The following PDGFC variants were observed in gnomAD, a reference collection of about 807,000 sequenced individuals.
PDGFC encodes platelet derived growth factor C.
A neutral mutation model predicts 35.5 loss-of-function variants in PDGFC; 12 were observed. That is an observed-to-expected ratio of 0.34 (90% CI 0.22 to 0.55). PDGFC has a LOEUF of 0.55. Among genes scored for constraint, PDGFC ranks in the 20% least tolerant of loss-of-function variants. The probability of loss-of-function intolerance (pLI) is 0.91; values close to 1 mark genes in which losing one functional copy is unlikely to be tolerated. For synonymous variants in PDGFC, 159 were observed against 148.8 expected (o/e 1.07, Z -0.50); for missense variants, 322 against 412.4 (o/e 0.78, Z 1.90).
chr4:156,819,797 A>ATAG (rs1175397854), intron 2 of PDGFC, among the ~76,000 whole-genome samples: 1 of 152,220 alleles, frequency 6.6e-6, no homozygotes, highest in Non-Finnish European at 1.5e-5. Context: ...GCTGCCATGG[A>ATAG]TAGTAATTCC....
rs913649558 is a variant in PDGFC at position 156,859,891 on chromosome 4, T to TA, written c.119-9476dup. 1.7e-4 allele frequency among the ~76,000 whole-genome samples: 25 copies of TA among 150,702 alleles called. 1 individual carries two copies. The highest frequency in any genetic ancestry group is 6.0e-4 in the Admixed American group (9 of 15,088). On this transcript the variant is annotated intron_variant, in intron 1 of 5. Coordinates refer to ENST00000502773, the MANE Select transcript of PDGFC (RefSeq NM_016205.3). ...TTATTTTTATCATCTAGCTGGCCTA[T>TA]AAAAAAAAAGAGTGAAAAGCTTAAA...
At chr4:156,918,990 C>T (rs1475795748) in intron 1 of PDGFC, among the ~76,000 whole-genome samples, 1 of 152,178 alleles carries the variant, frequency 6.6e-6, no homozygotes, top group African/African-American at 2.4e-5. Flanking sequence ...TACAACACGA[C>T]TTACCAAGCA....
intron 3 of PDGFC, among the ~76,000 whole-genome samples, chr4:156,793,022 A>C (rs1182302362): frequency 1.3e-5 from 2 of 152,150 alleles, no homozygotes. Context: ...TCTTCAAATA[A>C]GGGGGAAGCA....
At chr4:156,841,803 G>A (rs1011036677) in intron 2 of PDGFC, among the ~76,000 whole-genome samples, 4 of 152,108 alleles carry the variant, frequency 2.6e-5, no homozygotes, top group African/African-American at 7.2e-5. Context: ...ACCACACCTG[G>A]CCTCAGGCAG....
Position 156,838,431 on chromosome 4 carries a change from T to C in PDGFC, c.314+11790A>G, listed in dbSNP as rs181602070. On this transcript the variant is annotated intron_variant, in intron 2 of 5. Transcript: ENST00000502773. ...AAACCAGGCCAATCACAATTCTTCC[T>C]AGAGCTTTTGCGGAAAACTTTTTGT... Among the ~76,000 whole-genome samples, 467 of 152,346 alleles carry C rather than the reference T, an allele frequency of 3.1e-3. 3 individuals are homozygous for C. The highest frequency in any genetic ancestry group is 0.011 in the African/African-American group (448 of 41,588).
chr4:156,912,180 A>G (rs1731055068), intron 1 of PDGFC, among the ~76,000 whole-genome samples: 1 of 152,162 alleles, frequency 6.6e-6, no homozygotes, highest in Non-Finnish European at 1.5e-5. Flanking sequence ...AGCACTGTAT[A>G]GGAAATCAAG....
intron 1 of PDGFC, among the ~76,000 whole-genome samples, chr4:156,900,721 G>C (rs1049336396): frequency 6.6e-6 from 1 of 152,096 alleles, no homozygotes; most frequent in Non-Finnish European, 1.5e-5. Flanking sequence ...GCACATGCCA[G>C]ATACTCAGAA....
chr4:156,880,160 T>C (rs1371258920), intron 1 of PDGFC, among the ~76,000 whole-genome samples: 2 of 152,230 alleles, frequency 1.3e-5, no homozygotes, highest in East Asian at 1.9e-4. Flanking sequence ...CAGTCTTCAG[T>C]TGGAAGAAGG....
intron 1 of PDGFC, among the ~76,000 whole-genome samples, chr4:156,866,904 TC>T (rs1261698649): frequency 6.6e-6 from 1 of 152,126 alleles, no homozygotes; most frequent in African/African-American, 2.4e-5. Flanking sequence ...TCTCTAATCT[TC>T]CTTGGAGTCA....
At position 156,826,176 on chromosome 4, in the gene PDGFC, T is replaced by A. The variant is rs202059828; in HGVS notation, c.315-15159A>T. Among the ~76,000 whole-genome samples, 79 of 15,456 alleles carry A rather than the reference T, an allele frequency of 5.1e-3. No homozygotes were observed. In the East Asian group the frequency reaches 0.15, roughly 28 times the overall value. The allele number at this position is 15,456 out of a possible 152,430, so 10.1% of individuals were successfully genotyped here. On this transcript the variant is annotated intron_variant, in intron 2 of 5. Transcript: ENST00000502773. ...CACCATATCCAGCTTTGAGTTGGAT[T>A]TTTTTTTTTTTTTTTTTTTTTTTTT...
intron 1 of PDGFC, among the ~76,000 whole-genome samples, chr4:156,923,615 C>A (rs1341993098): frequency 6.6e-6 from 1 of 152,138 alleles, no homozygotes; most frequent in African/African-American, 2.4e-5. Context: ...AGCAAATATT[C>A]TTTTTCTAAA....
intron 3 of PDGFC, among the ~76,000 whole-genome samples, chr4:156,803,199 G>T (rs1382979207): frequency 6.6e-6 from 1 of 152,098 alleles, no homozygotes; most frequent in Non-Finnish European, 1.5e-5. Context: ...GTGTCTGAGT[G>T]TACTGAGAGG....
At position 156,935,242 on chromosome 4, in the gene PDGFC, C is replaced by T. The variant is rs917823903; in HGVS notation, c.118+35544G>A. Among the ~76,000 whole-genome samples, 10 of 152,234 alleles carry T rather than the reference C, an allele frequency of 6.6e-5. No homozygotes were observed. The South Asian group carries it at 1.2e-3, about 19-fold the overall frequency. ...CGATCTCTTGACCTCATGACCTGCCCGCCTTGGCCTCCCTAAGTGCTGCCA... is the reference window on the plus strand; with the variant it reads ...CGATCTCTTGACCTCATGACCTGCCTGCCTTGGCCTCCCTAAGTGCTGCCA... On this transcript the variant is annotated intron_variant, in intron 1 of 5. Transcript: ENST00000502773.
intron 3 of PDGFC, among the ~76,000 whole-genome samples, chr4:156,794,752 G>A (rs1447832399): frequency 6.6e-6 from 1 of 151,834 alleles, no homozygotes; most frequent in African/African-American, 2.4e-5. Context: ...AACTAGTGAA[G>A]CTAATTATAG....
intron 4 of PDGFC, among the ~76,000 whole-genome samples, chr4:156,769,500 A>C (rs752766059): frequency 6.6e-6 from 1 of 151,966 alleles, no homozygotes; most frequent in Non-Finnish European, 1.5e-5. Context: ...AAGTATAGGA[A>C]AGCACCAAAG....
intron 1 of PDGFC, among the ~76,000 whole-genome samples, chr4:156,871,480 G>A (rs17035384): frequency 0.074 from 11,260 of 152,004 alleles, 1,392 homozygotes; most frequent in African/African-American, 0.26. Context: ...GAAGAAATAC[G>A]CCAGGCATAA....
chr4:156,885,096 T>C (rs1730342114), intron 1 of PDGFC, among the ~76,000 whole-genome samples: 1 of 152,118 alleles, frequency 6.6e-6, no homozygotes, highest in Admixed American at 6.6e-5. Flanking sequence ...ATGAATGTCG[T>C]AACCTAGGCA....
chr4:156,901,533 A>G (rs114422581), intron 1 of PDGFC, among the ~76,000 whole-genome samples: 2,481 of 152,158 alleles, frequency 0.016, 73 homozygotes, highest in African/African-American at 0.057. Context: ...AACAACGCCT[A>G]CCTATTTCTT....
chr4:156,940,492 T>C (rs778340116), intron 1 of PDGFC, among the ~76,000 whole-genome samples: 1 of 152,110 alleles, frequency 6.6e-6, no homozygotes, highest in African/African-American at 2.4e-5. Flanking sequence ...GGAGACTACC[T>C]TGCCATGGGA....
Sources: gnomAD v4.1 joint callset for allele counts (sites outside exome capture counted in the v4.1 genomes callset) on GRCh38, gnomAD v4.1.1 for gene constraint, MANE v1.5 for transcripts, NCBI Gene and HGNC (gene_info 2026-07-23, HGNC 2026-07-21) for gene names.